CREB5: variants seen among roughly 807,000 people sequenced by gnomAD.
The protein encoded by CREB5 is cyclic AMP-responsive element-binding protein 5.
In CREB5, 19 loss-of-function variants were observed where a neutral mutation model predicts 57.1. The ratio of observed to expected loss-of-function variants is 0.33; its 90% CI spans 0.23 to 0.49. The LOEUF is 0.49. Among genes scored for constraint, CREB5 ranks in the 20% least tolerant of loss-of-function variants. CREB5 has a pLI of 0.99. For synonymous variants in CREB5, 238 were observed against 238.3 expected (o/e 1.00, Z 0.01); for missense variants, 579 against 671.6 (o/e 0.86, Z 1.52).
intron 4 of CREB5, among the ~76,000 whole-genome samples, chr7:28,514,025 G>C (rs1792826871): frequency 6.6e-6 from 1 of 152,190 alleles, no homozygotes; most frequent in Non-Finnish European, 1.5e-5. Flanking sequence ...TAGATGATGA[G>C]AGCAGCTCAG....
intron 5 of CREB5, among the ~76,000 whole-genome samples, chr7:28,709,009 G>C (rs966505761): frequency 1.2e-4 from 18 of 152,174 alleles, no homozygotes; most frequent in African/African-American, 4.3e-4. Flanking sequence ...AACTCACAAC[G>C]GAAAGAAATT....
intron 2 of CREB5, among the ~76,000 whole-genome samples, chr7:28,491,874 G>A (rs1456147155): frequency 6.6e-6 from 1 of 152,202 alleles, no homozygotes; most frequent in Non-Finnish European, 1.5e-5. Flanking sequence ...ATAAATATAA[G>A]TTATCACTGC....
At chr7:28,511,734 C>A (rs1330130759) in intron 4 of CREB5, among the ~76,000 whole-genome samples, 1 of 152,230 alleles carries the variant, frequency 6.6e-6, no homozygotes, top group Non-Finnish European at 1.5e-5. Context: ...GATCTGCCCG[C>A]CTCAGCCTCC....
intron 5 of CREB5, among the ~76,000 whole-genome samples, chr7:28,594,823 C>G (rs1796641317): frequency 6.6e-6 from 1 of 152,156 alleles, no homozygotes; most frequent in South Asian, 2.1e-4. Flanking sequence ...GCCCAGCTAA[C>G]CAAACCCCTT....
chr7:28,452,430 A>G (rs888450583), intron 1 of CREB5, among the ~76,000 whole-genome samples: 1 of 152,222 alleles, frequency 6.6e-6, no homozygotes, highest in Non-Finnish European at 1.5e-5. Context: ...TATAACAAAG[A>G]AATAAAATAA....
rs1799055087 is a variant in CREB5, at chr7:28,649,827, T to C, written c.465-68926T>C. On this transcript the variant is annotated intron_variant, in intron 5 of 10. Transcript: ENST00000357727. ...ATTATGTTTGGAATGACTTACCTTT[T>C]CATTATTATCTCATATGAAACATCA... 4.6e-5 allele frequency among the ~76,000 whole-genome samples: 7 copies of C among 152,220 alleles called. No individual in the cohort carries two copies. In the South Asian group the frequency reaches 1.4e-3, roughly 31 times the overall value.
chr7:28,474,608 C>G (rs73684378), intron 1 of CREB5, among the ~76,000 whole-genome samples: 2 of 152,078 alleles, frequency 1.3e-5, no homozygotes, highest in Admixed American at 6.6e-5. Flanking sequence ...GAGGAAATAA[C>G]GATCATACTA....
At chr7:28,594,089 G>GC in intron 5 of CREB5, among the ~76,000 whole-genome samples, 1 of 152,196 alleles carries the variant, frequency 6.6e-6, no homozygotes, top group East Asian at 1.9e-4. Flanking sequence ...ACTCCCTCAG[G>GC]CCCCCTGCCC....
At chr7:28,552,443 C>T (rs771115454) in intron 4 of CREB5, among the ~76,000 whole-genome samples, 4 of 152,148 alleles carry the variant, frequency 2.6e-5, no homozygotes, top group African/African-American at 9.7e-5. Context: ...TGTTTCTGGT[C>T]TCTGGTACAC....
At chr7:28,328,765 T>G (rs1239390597) in intron 1 of CREB5, among the ~76,000 whole-genome samples, 1 of 152,160 alleles carries the variant, frequency 6.6e-6, no homozygotes. Context: ...ATCTGATTAG[T>G]GTGCTTAGGA....
intron 10 of CREB5, 72 bp from the exon 11 acceptor site, chr7:28,819,044 A>C: frequency 1.3e-6 from 2 of 1,503,416 alleles, no homozygotes; most frequent in South Asian, 2.6e-5. Flanking sequence ...TGAGGAGTCC[A>C]CAAGTCCATA....
chr7:28,351,809 A>G (rs1376345999), intron 1 of CREB5, among the ~76,000 whole-genome samples: 1 of 152,172 alleles, frequency 6.6e-6, no homozygotes, highest in Non-Finnish European at 1.5e-5. Context: ...CAAGAAAGTT[A>G]TGTGGTCCAT....
intron 1 of CREB5, among the ~76,000 whole-genome samples, chr7:28,420,251 G>C (rs1201676735): frequency 1.3e-5 from 2 of 152,104 alleles, no homozygotes; most frequent in Non-Finnish European, 2.9e-5. Flanking sequence ...TCCTTTCCAG[G>C]AAATGTGCTT....
intron 1 of CREB5, among the ~76,000 whole-genome samples, chr7:28,414,546 A>C (rs181190199): frequency 1.3e-5 from 2 of 152,342 alleles, no homozygotes; most frequent in African/African-American, 4.8e-5. Context: ...TATGCTAAAC[A>C]GACTTAAAGA....
intron 5 of CREB5, among the ~76,000 whole-genome samples, chr7:28,677,285 G>A (rs943602142): frequency 6.6e-6 from 1 of 152,028 alleles, no homozygotes; most frequent in Non-Finnish European, 1.5e-5. Flanking sequence ...AAAATCTCTG[G>A]GGAGTTTTGC....
At chr7:28,416,759 A>G (rs1355136797) in intron 1 of CREB5, among the ~76,000 whole-genome samples, 1 of 152,162 alleles carries the variant, frequency 6.6e-6, no homozygotes, top group African/African-American at 2.4e-5. Context: ...CAGCATGACA[A>G]AATGTTCTCT....
intron 1 of CREB5, among the ~76,000 whole-genome samples, chr7:28,352,559 C>A (rs1298400867): frequency 1.3e-5 from 2 of 152,162 alleles, no homozygotes; most frequent in African/African-American, 4.8e-5. Flanking sequence ...TCTTTTTGCT[C>A]AGCTCTTCTC....
At chr7:28,659,513 A>C (rs1325843136) in intron 5 of CREB5, among the ~76,000 whole-genome samples, 1 of 152,216 alleles carries the variant, frequency 6.6e-6, no homozygotes, top group Non-Finnish European at 1.5e-5. Flanking sequence ...CCCTAAACCA[A>C]CATTATTGTT....
intron 9 of CREB5, among the ~76,000 whole-genome samples, chr7:28,811,506 C>T (rs1462246045): frequency 1.3e-5 from 2 of 152,140 alleles, no homozygotes; most frequent in South Asian, 2.1e-4. Flanking sequence ...CCTCCCACCT[C>T]AGCCTCCCAA....
Sources: allele counts gnomAD v4.1 joint callset (sites outside exome capture counted in the v4.1 genomes callset), GRCh38; gene constraint gnomAD v4.1.1; transcripts MANE v1.5; gene names NCBI Gene and HGNC (gene_info 2026-07-23, HGNC 2026-07-21).